DLG2: variants seen among roughly 807,000 people sequenced by gnomAD.
The protein encoded by DLG2 is disks large homolog 2.
In DLG2, 45 loss-of-function variants were observed where a neutral mutation model predicts 132.5. That is an observed-to-expected ratio of 0.34 (90% CI 0.27 to 0.44). The LOEUF (loss-of-function observed/expected upper bound fraction) is 0.44. DLG2 is among the 20% of genes least tolerant of loss of function. The probability of loss-of-function intolerance (pLI) is 1.00; values close to 1 mark genes in which losing one functional copy is unlikely to be tolerated. For synonymous variants in DLG2, 424 were observed against 419.6 expected (o/e 1.01, Z -0.13); for missense variants, 1,045 against 1,196.9 (o/e 0.87, Z 1.87).
intron 14 of DLG2, among the ~76,000 whole-genome samples, chr11:83,960,211 A>G (rs1307493406): frequency 1.3e-5 from 2 of 152,008 alleles, no homozygotes; most frequent in Non-Finnish European, 2.9e-5. Flanking sequence ...TCCTCTTTAA[A>G]ACTTTCTTTG....
At chr11:84,167,123 A>T (rs2154265975) in intron 8 of DLG2, 1 of 430,654 alleles carries the variant, frequency 2.3e-6, no homozygotes, top group South Asian at 1.8e-5. Context: ...AGTCAAATAG[A>T]TTAAACTTTT....
intron 17 of DLG2, among the ~76,000 whole-genome samples, chr11:83,819,469 CAAAAAAAAAAAA>C (rs398016925): frequency 3.6e-5 from 1 of 28,128 alleles, no homozygotes; most frequent in Non-Finnish European, 6.2e-5. Flanking sequence ...GACTCTATCT[CAAAAAAAAAAAA>C]AAAAAAAAAA....
chr11:84,224,205 G>C (rs1473398856), intron 8 of DLG2, among the ~76,000 whole-genome samples: 1 of 152,174 alleles, frequency 6.6e-6, no homozygotes, highest in Non-Finnish European at 1.5e-5. Context: ...GTTGAGAGCG[G>C]TTATTTCCAG....
At chr11:84,136,761 A>G (rs1329409750) in intron 9 of DLG2, among the ~76,000 whole-genome samples, 1 of 152,186 alleles carries the variant, frequency 6.6e-6, no homozygotes, top group Admixed American at 6.5e-5. Flanking sequence ...TGGCATGGGA[A>G]GTAGATAATA....
At chr11:84,641,852 G>T (rs781262347) in intron 6 of DLG2, among the ~76,000 whole-genome samples, 1 of 151,802 alleles carries the variant, frequency 6.6e-6, no homozygotes, top group Non-Finnish European at 1.5e-5. Flanking sequence ...ATAAATGCCA[G>T]TTCCTATTAG....
intron 8 of DLG2, among the ~76,000 whole-genome samples, chr11:84,230,798 T>C (rs959683098): frequency 5.3e-5 from 8 of 152,168 alleles, no homozygotes; most frequent in African/African-American, 1.9e-4. Context: ...AGATAGGATA[T>C]GCACTGGAAA....
intron 19 of DLG2, among the ~76,000 whole-genome samples, chr11:83,552,548 C>T (rs1045059771): frequency 6.6e-6 from 1 of 152,134 alleles, no homozygotes; most frequent in African/African-American, 2.4e-5. Flanking sequence ...GATTTACTAG[C>T]AGAGGGGTGG....
chr11:84,210,062 C>CATCTGAGG (rs1390499641), intron 8 of DLG2, among the ~76,000 whole-genome samples: 5 of 151,888 alleles, frequency 3.3e-5, no homozygotes, highest in Non-Finnish European at 7.4e-5. Context: ...GCGGGAAGAA[C>CATCTGAGG]ATCTGAGGTC....
intron 7 of DLG2, among the ~76,000 whole-genome samples, chr11:84,368,957 TA>T (rs1310579540): frequency 2.0e-5 from 3 of 152,142 alleles, no homozygotes; most frequent in African/African-American, 4.8e-5. Flanking sequence ...CTACTCAAAA[TA>T]TTTTTTTTGA....
intron 3 of DLG2, among the ~76,000 whole-genome samples, chr11:85,496,064 G>A (rs1397426042): frequency 2.0e-5 from 3 of 152,184 alleles, no homozygotes; most frequent in Non-Finnish European, 4.4e-5. Flanking sequence ...AGTGGGTGCA[G>A]CCCACAGAGG....
chr11:84,983,524 C>A (rs79766012), intron 6 of DLG2, among the ~76,000 whole-genome samples: 5,192 of 152,192 alleles, frequency 0.034, 117 homozygotes, highest in African/African-American at 0.053. Context: ...GTCCCTCTGA[C>A]AGAGCCTACC....
chr11:84,893,909 A>C (rs373672525), intron 6 of DLG2, among the ~76,000 whole-genome samples: 37 of 152,334 alleles, frequency 2.4e-4, no homozygotes, highest in African/African-American at 8.9e-4. Context: ...GAGAAGAAAC[A>C]GCATAGGCTT....
At chr11:84,284,606 A>G (rs1175651984) in intron 7 of DLG2, among the ~76,000 whole-genome samples, 1 of 152,196 alleles carries the variant, frequency 6.6e-6, no homozygotes, top group Non-Finnish European at 1.5e-5. Flanking sequence ...GCAGAATGCT[A>G]GATCACAGCA....
intron 14 of DLG2, among the ~76,000 whole-genome samples, chr11:83,946,873 C>T (rs1446300942): frequency 6.6e-6 from 1 of 152,222 alleles, no homozygotes; most frequent in Non-Finnish European, 1.5e-5. Flanking sequence ...CACATTCTCA[C>T]TGTGAGTGCC....
chr11:84,891,040 C>T (rs978529700), intron 6 of DLG2: 5 of 152,178 alleles, frequency 3.3e-5, no homozygotes, highest in Non-Finnish European at 5.9e-5. Context: ...TACCATCCCT[C>T]ACCCGGGTTC....
chr11:85,184,982 T>G (rs1366261022), intron 4 of DLG2, among the ~76,000 whole-genome samples: 1 of 151,960 alleles, frequency 6.6e-6, no homozygotes, highest in Non-Finnish European at 1.5e-5. Flanking sequence ...CAAGAGAATA[T>G]TCTAAGCAAC....
At chr11:84,376,906 A>G (rs1177793242) in intron 7 of DLG2, among the ~76,000 whole-genome samples, 1 of 152,040 alleles carries the variant, frequency 6.6e-6, no homozygotes, top group Non-Finnish European at 1.5e-5. Context: ...TGACAGAATT[A>G]GAAAATCACC....
intron 18 of DLG2, among the ~76,000 whole-genome samples, chr11:83,688,640 T>C (rs781754634): frequency 2.0e-5 from 3 of 152,204 alleles, no homozygotes; most frequent in Non-Finnish European, 4.4e-5. Context: ...TGTGCATACA[T>C]ATAAACATAA....
chr11:84,763,154 C>G (rs971339466), intron 6 of DLG2: 3 of 152,128 alleles, frequency 2.0e-5, no homozygotes, highest in African/African-American at 7.2e-5. Flanking sequence ...TCCACACTAG[C>G]AAGTGCCAAC....
Sources: allele counts gnomAD v4.1 joint callset (sites outside exome capture counted in the v4.1 genomes callset), GRCh38; gene constraint gnomAD v4.1.1; transcripts MANE v1.5; gene names NCBI Gene and HGNC (gene_info 2026-07-23, HGNC 2026-07-21).